The following GRAMD1C variants were observed in gnomAD, a reference collection of about 807,000 sequenced individuals.
The protein encoded by GRAMD1C is protein Aster-C.
GRAMD1C carries 89 observed loss-of-function variants against 97.8 expected under a neutral mutation model. That is an observed-to-expected ratio of 0.91 (90% CI 0.77 to 1.09). The LOEUF (loss-of-function observed/expected upper bound fraction) is 1.09, where lower values mean the gene tolerates loss of function less well. Ranked by LOEUF, GRAMD1C falls within the 50% of genes least tolerant of loss-of-function variation. GRAMD1C has a pLI of 0.00. For missense variants in GRAMD1C, 740 were observed against 766.4 expected (o/e 0.97, Z 0.41); for synonymous variants, 256 against 267.0 (o/e 0.96, Z 0.40).
intron 2 of GRAMD1C, among the ~76,000 whole-genome samples, chr3:113,865,222 T>C (rs1412005471): frequency 6.6e-6 from 1 of 152,210 alleles, no homozygotes; most frequent in Non-Finnish European, 1.5e-5. Context: ...AAGATGGTAT[T>C]AAGCCCTTCA....
intron 17 of GRAMD1C, among the ~76,000 whole-genome samples, chr3:113,941,551 C>T (rs948065690): frequency 5.3e-5 from 8 of 151,498 alleles, no homozygotes; most frequent in South Asian, 2.1e-4. Context: ...TTTCAGTTTT[C>T]GCTAACAAAT....
intron 9 of GRAMD1C, 28 bp downstream of exon 9, chr3:113,909,148 A>C: frequency 8.4e-7 from 1 of 1,190,742 alleles, no homozygotes; most frequent in Non-Finnish European, 1.2e-6. Context: ...AATTTTATTA[A>C]ATTTCAGTTA....
Position 113,844,666 on chromosome 3 carries a change from C to A in GRAMD1C, c.174+17C>A. 1 of 1,545,948 alleles carries A rather than the reference C, an allele frequency of 6.5e-7. No homozygotes were observed. Among genetic ancestry groups the A allele is most frequent in the Non-Finnish European group, 8.8e-7 (1 of 1,140,674 alleles). On this transcript the variant is annotated intron_variant, in intron 2 of 17. Transcript: ENST00000358160. ...AGCTTTTGGGTAATTTCTTTTTTTA[C>A]GTCTTTATTTTAATCTTGAATACAA... is the stretch of plus-strand genomic sequence containing the variant.
chr3:113,917,569 C>T (rs1257159886), intron 10 of GRAMD1C, among the ~76,000 whole-genome samples: 2 of 151,774 alleles, frequency 1.3e-5, no homozygotes, highest in Non-Finnish European at 2.9e-5. Flanking sequence ...CAATCTAACC[C>T]CCTCAGCCTC....
chr3:113,862,349 A>G (rs945226176), intron 2 of GRAMD1C, among the ~76,000 whole-genome samples: 27 of 152,208 alleles, frequency 1.8e-4, no homozygotes, highest in Non-Finnish European at 3.4e-4. Context: ...CCTCAGGGAC[A>G]CATTCTCTTT....
intron 8 of GRAMD1C, among the ~76,000 whole-genome samples, chr3:113,905,504 C>T (rs1936338241): frequency 6.6e-6 from 1 of 152,212 alleles, no homozygotes; most frequent in African/African-American, 2.4e-5. Context: ...TCAAATCTTA[C>T]ATCTGCCACT....
At chr3:113,890,242 G>A (rs1480157339) in intron 6 of GRAMD1C, among the ~76,000 whole-genome samples, 2 of 152,168 alleles carry the variant, frequency 1.3e-5, no homozygotes, top group African/African-American at 4.8e-5. Context: ...CTGACCCATG[G>A]TAAGGGAGTA....
At chr3:113,906,003 A>G (rs1936359026) in intron 8 of GRAMD1C, among the ~76,000 whole-genome samples, 1 of 152,210 alleles carries the variant, frequency 6.6e-6, no homozygotes, top group Non-Finnish European at 1.5e-5. Flanking sequence ...AGCCAGTCCC[A>G]TAACATTTTA....
At chr3:113,899,774 A>G (rs950430393) in intron 6 of GRAMD1C, among the ~76,000 whole-genome samples, 2 of 152,150 alleles carry the variant, frequency 1.3e-5, no homozygotes, top group South Asian at 4.1e-4. Context: ...TTGTTTTGCT[A>G]GGTAATGTGT....
At chr3:113,834,838 G>T (rs1455917592), upstream of GRAMD1C, among the ~76,000 whole-genome samples, 1 of 151,476 alleles carries the variant, frequency 6.6e-6, no homozygotes, top group East Asian at 1.9e-4. Flanking sequence ...TACTCCAGAG[G>T]CTGGGACAGG....
chr3:113,866,852 G>A (rs905756664), intron 2 of GRAMD1C, among the ~76,000 whole-genome samples: 17 of 147,120 alleles, frequency 1.2e-4, no homozygotes, highest in African/African-American at 4.0e-4. Context: ...TTTTTGAGAT[G>A]GAGTCTCACT....
chr3:113,837,369 A>G (rs1709650250), upstream of GRAMD1C, among the ~76,000 whole-genome samples: 1 of 152,202 alleles, frequency 6.6e-6, no homozygotes, highest in Non-Finnish European at 1.5e-5. Context: ...TGTGAAGGTT[A>G]AGGACACACC....
In GRAMD1C at chr3:113,916,257, A is replaced by G. The variant is rs563428348; in HGVS notation, c.1090+419A>G. Among the ~76,000 whole-genome samples the G allele has an allele frequency of 1.1e-3, 163 of 152,304 alleles. 1 individual carries two copies. Among genetic ancestry groups the G allele is most frequent in the African/African-American group, 3.6e-3 (149 of 41,572 alleles). On this transcript the variant is annotated intron_variant, in intron 10 of 17. Coordinates refer to ENST00000358160, the MANE Select transcript of GRAMD1C (RefSeq NM_017577.5). Reference sequence around the variant, plus strand: ...TCAGCAGTTCCACTCCTAGGTATACATTCATCAGAAATGGGTACATTTGTA... The same window carrying G: ...TCAGCAGTTCCACTCCTAGGTATACGTTCATCAGAAATGGGTACATTTGTA...
Position 113,904,273 on chromosome 3 carries a change from G to A in GRAMD1C, c.789+1G>A, listed in dbSNP as rs1438558122. The A allele has an allele frequency of 6.3e-7, 1 of 1,587,450 alleles. No homozygotes were observed. Among genetic ancestry groups the A allele is most frequent in the Non-Finnish European group, 8.7e-7 (1 of 1,155,880 alleles). On this transcript the variant is annotated splice_donor_variant, in intron 8 of 17. Coordinates refer to ENST00000358160, the MANE Select transcript of GRAMD1C (RefSeq NM_017577.5). LOFTEE classifies it high-confidence loss of function. ...ATTCGATGGAAATTCATCAAAAGGA[G>A]TTAGTATATGATATCCCTTTTAAAA...
Position 113,938,079 on chromosome 3 carries a change from T to TC in GRAMD1C, c.1634-6dup. On this transcript the variant is annotated splice_polypyrimidine_tract_variant and splice_region_variant and intron_variant, in intron 14 of 17. Transcript: ENST00000358160. ...TTCTAATGCAGCCTTTTTCTTGTGA[T>TC]CTACAGGAAAGAAAAAGGAAATGGA... 2 of 1,444,494 alleles carry TC rather than the reference T, an allele frequency of 1.4e-6. No homozygotes were observed. Among genetic ancestry groups the TC allele is most frequent in the Non-Finnish European group, 1.9e-6 (2 of 1,046,736 alleles). 89.5% of individuals were successfully genotyped at this position (1,444,494 alleles called of 1,614,324 possible).
At chr3:113,941,010 C>T (rs975029901) in intron 17 of GRAMD1C, among the ~76,000 whole-genome samples, 6 of 152,176 alleles carry the variant, frequency 3.9e-5, no homozygotes, top group African/African-American at 1.4e-4. Flanking sequence ...CCCTCTATGC[C>T]GGGTGCACAG....
intron 5 of GRAMD1C, among the ~76,000 whole-genome samples, chr3:113,878,067 A>G (rs1935118314): frequency 6.6e-6 from 1 of 152,212 alleles, no homozygotes; most frequent in African/African-American, 2.4e-5. Flanking sequence ...AGTGTGAGCC[A>G]CTGCGCCCAG....
At chr3:113,937,434 A>C (rs1360955166) in intron 14 of GRAMD1C, among the ~76,000 whole-genome samples, 1 of 152,192 alleles carries the variant, frequency 6.6e-6, no homozygotes, top group African/African-American at 2.4e-5. Context: ...GCCCAGTTCA[A>C]ATATTATTTG....
Position 113,890,506 on chromosome 3 carries a change from CA to C in GRAMD1C, c.540+7675del. ...TGCACTTTGGCAAGGAAGCCTCCTT[CA>C]CCCACTGCAGGCCGGTCACTTTCAG... is the stretch of plus-strand genomic sequence containing the variant. On this transcript the variant is annotated intron_variant, in intron 6 of 17. Transcript: ENST00000358160. 3 of 486,802 alleles carry C rather than the reference CA, an allele frequency of 6.2e-6. No individual in the cohort carries two copies. The East Asian group carries it at 9.7e-5, about 16-fold the overall frequency. 30.2% of individuals were successfully genotyped at this position (486,802 alleles called of 1,614,324 possible).
Sources: gnomAD v4.1 joint callset for allele counts (sites outside exome capture counted in the v4.1 genomes callset) on GRCh38, gnomAD v4.1.1 for gene constraint, MANE v1.5 for transcripts, NCBI Gene and HGNC (gene_info 2026-07-23, HGNC 2026-07-21) for gene names.